The following SPIRE2 variants were observed in gnomAD, a reference collection of about 807,000 sequenced individuals.
SPIRE2 encodes spire type actin nucleation factor 2.
A neutral mutation model predicts 80.7 loss-of-function variants in SPIRE2; 76 were observed. That is an observed-to-expected ratio of 0.94 (90% confidence interval 0.78 to 1.14). SPIRE2 has a LOEUF of 1.14. SPIRE2 is among the 50% of genes most tolerant of loss of function. SPIRE2 has a pLI of 0.00. For missense variants in SPIRE2, 1,196 were observed against 1,015.3 expected (o/e 1.18, Z -2.42); for synonymous variants, 535 against 432.6 (o/e 1.24, Z -2.94).
intron 1 of SPIRE2, among the ~76,000 whole-genome samples, chr16:89,839,714 TC>T (rs1295159630): frequency 6.6e-6 from 1 of 152,156 alleles, no homozygotes; most frequent in African/African-American, 2.4e-5. Flanking sequence ...TATGGCCTCA[TC>T]AAGATGTGTG....
chr16:89,869,053 A>AATATATATATATATAT (rs1555601129), intron 13 of SPIRE2, among the ~76,000 whole-genome samples: 1 of 24,028 alleles, frequency 4.2e-5, no homozygotes, highest in African/African-American at 1.6e-4. Context: ...AAAAAAAAAA[A>AATATATATATATATAT]ATATATATAT....
At position 89,854,755 on chromosome 16, in the gene SPIRE2, C is replaced by T. The variant is rs921675398; in HGVS notation, c.891+104C>T. On this transcript the variant is annotated intron_variant, in intron 5 of 14. Transcript: ENST00000378247. The stretch of plus-strand genomic sequence containing the variant: ...ATGTTGGGCAGCCCACCCCAGAGAG[C>T]GGCCCAGGGTCCCTGCTCTCTGTGC... The T allele has an allele frequency of 2.0e-5, 25 of 1,267,356 alleles. No homozygotes were observed. In the East Asian group the frequency reaches 2.1e-4, roughly 11 times the overall value. 78.5% of individuals were successfully genotyped at this position (1,267,356 alleles called of 1,614,324 possible).
chr16:89,836,596 T>G (rs1301713195), intron 1 of SPIRE2, among the ~76,000 whole-genome samples: 1 of 152,050 alleles, frequency 6.6e-6, no homozygotes, highest in African/African-American at 2.4e-5. Flanking sequence ...GAAATTTACA[T>G]ACAGTGAAAT....
chr16:89,864,566 A>G (rs1367001400), intron 12 of SPIRE2, among the ~76,000 whole-genome samples: 2 of 152,162 alleles, frequency 1.3e-5, no homozygotes, highest in African/African-American at 4.8e-5. Flanking sequence ...CCTTGTTCTA[A>G]AGATCTGAAG....
intron 1 of SPIRE2, among the ~76,000 whole-genome samples, chr16:89,835,037 G>C (rs1031356229): frequency 2.3e-4 from 28 of 121,084 alleles, no homozygotes; most frequent in South Asian, 5.5e-4. Context: ...TCGTAGAAGC[G>C]TGGATAAGCA....
chr16:89,829,039 C>G (rs757017586), intron 1 of SPIRE2, among the ~76,000 whole-genome samples: 15 of 152,352 alleles, frequency 9.8e-5, no homozygotes, highest in Non-Finnish European at 1.5e-4. Context: ...CGGACCCCCC[C>G]ACCTGACGCC....
intron 3 of SPIRE2, among the ~76,000 whole-genome samples, chr16:89,853,594 C>T (rs930206032): frequency 2.0e-5 from 3 of 151,994 alleles, no homozygotes; most frequent in African/African-American, 7.2e-5. Context: ...GTGGCGGGTA[C>T]CTGGGGCCGA....
At chr16:89,867,345 AT>A (rs1262595817) in intron 12 of SPIRE2, among the ~76,000 whole-genome samples, 1 of 151,866 alleles carries the variant, frequency 6.6e-6, no homozygotes, top group Non-Finnish European at 1.5e-5. Flanking sequence ...GGGTTTCACC[AT>A]CTTGGCCAGG....
chr16:89,831,878 C>G (rs982714136), intron 1 of SPIRE2, among the ~76,000 whole-genome samples: 1 of 144,340 alleles, frequency 6.9e-6, no homozygotes, highest in Non-Finnish European at 1.6e-5. Context: ...TTCGCAGCCC[C>G]GCGCACTCCC....
intron 9 of SPIRE2, among the ~76,000 whole-genome samples, chr16:89,859,849 C>T (rs906404174): frequency 6.6e-6 from 1 of 152,130 alleles, no homozygotes; most frequent in Non-Finnish European, 1.5e-5. Context: ...GGAGAGCCCT[C>T]GCGACTCAGG....
chr16:89,846,261 C>T (rs2041558569), intron 2 of SPIRE2: 1 of 151,642 alleles, frequency 6.6e-6, no homozygotes, highest in Non-Finnish European at 1.5e-5. Flanking sequence ...CTCCTGGGCT[C>T]AAGCCATCCT....
chr16:89,839,144 A>C lies in SPIRE2; in HGVS notation c.245-6178A>C, dbSNP rs1250875421. On this transcript the variant is annotated intron_variant, in intron 1 of 14. Transcript: ENST00000378247. ...ATCACGAGGTCAGGAGATCGAGACCATCCTGGCTAACATGGTGAAACCCCA... is the reference window on the plus strand; with the variant it reads ...ATCACGAGGTCAGGAGATCGAGACCCTCCTGGCTAACATGGTGAAACCCCA... 3.9e-5 allele frequency among the ~76,000 whole-genome samples: 6 copies of C among 152,198 alleles called. No homozygotes were observed. In the South Asian group the frequency reaches 1.2e-3, roughly 32 times the overall value.
Position 89,850,366 on chromosome 16 carries a change from G to C in SPIRE2, c.351G>C (p.Glu117Asp), listed in dbSNP as rs145621381. The C allele has an allele frequency of 3.7e-5, 59 of 1,599,786 alleles. No individual in the cohort carries two copies. In the African/African-American group the frequency reaches 7.0e-4, roughly 19 times the overall value. ...RALDWGLDES[E>D]ERELSPQLER... The stretch of plus-strand genomic sequence containing the variant: ...TGGACTGGGGGCTGGACGAGAGCGA[G>C]GAGCGCGAACTCAGCCCTCAGCTGG... The change falls in exon 3 of 15, where the codon GAG becomes GAC. Residue 117 changes from glutamate to aspartate, a missense_variant. Glu to Asp is a conservative substitution (Grantham distance 45). Transcript: ENST00000378247.
rs1335685141 is a variant in SPIRE2 at position 89,868,915 on chromosome 16, C to CTGT, written c.1807-650_1807-649insTTG. ...GCGCGGTGGCTCATGCCTGCAGTTC[C>CTGT]TGCACTTTGGGAGGCTGAGGTGGGA... is the stretch of plus-strand genomic sequence containing the variant. On this transcript the variant is annotated intron_variant, in intron 13 of 14. Coordinates refer to ENST00000378247, the MANE Select transcript of SPIRE2 (RefSeq NM_032451.2). Among the ~76,000 whole-genome samples the CTGT allele has an allele frequency of 3.3e-5, 5 of 149,782 alleles. No homozygotes were observed. In the East Asian group the frequency reaches 9.9e-4, roughly 30 times the overall value.
intron 12 of SPIRE2, among the ~76,000 whole-genome samples, chr16:89,867,434 C>T (rs962809560): frequency 5.9e-5 from 9 of 151,882 alleles, no homozygotes; most frequent in Middle Eastern, 3.2e-3. Flanking sequence ...TGAGGCATCG[C>T]GCCTGGCCGA....
In SPIRE2 at chr16:89,850,305, C is replaced by G. The variant is rs2041610089; in HGVS notation, c.290C>G (p.Thr97Ser). ...VVPLASSEAQ[T>S]VQSLGFAIYR... ...AGTGACCGCGCCCCTGTCCCGCAGACCGTGCAGTCCCTCGGCTTCGCCATC... is the reference window on the plus strand; with the variant it reads ...AGTGACCGCGCCCCTGTCCCGCAGAGCGTGCAGTCCCTCGGCTTCGCCATC... The change falls in exon 3 of 15, where the codon ACC (threonine) becomes AGC (serine). Residue 97 changes from threonine to serine, a missense_variant and splice_region_variant. Coordinates refer to ENST00000378247, the MANE Select transcript of SPIRE2 (RefSeq NM_032451.2). 1 of 1,602,628 alleles carries G rather than the reference C, an allele frequency of 6.2e-7. No homozygotes were observed. The highest frequency in any genetic ancestry group is 1.3e-5 in the African/African-American group (1 of 74,894).
At chr16:89,838,665 C>T (rs1383760959) in intron 1 of SPIRE2, among the ~76,000 whole-genome samples, 2 of 152,232 alleles carry the variant, frequency 1.3e-5, no homozygotes, top group Non-Finnish European at 2.9e-5. Context: ...GGCTTACTCA[C>T]TCTCACACCT....
chr16:89,844,156 A>T (rs1423010187), intron 1 of SPIRE2, among the ~76,000 whole-genome samples: 1 of 148,628 alleles, frequency 6.7e-6, no homozygotes, highest in Non-Finnish European at 1.5e-5. Flanking sequence ...TAATTTTTTT[A>T]TTTTTATTTT....
chr16:89,863,396 G>A lies in SPIRE2; in HGVS notation c.1576-80G>A, dbSNP rs749015692. ...GGCTTGTTTAGGCTGAGGCCAGGGA[G>A]GGTTAGGGTCCTCAGGGAAGGAGAG... On this transcript the variant is annotated intron_variant, in intron 10 of 14. Transcript: ENST00000378247. This position sits in a 1 kb window ranked among gnomAD's most constrained non-coding sequence, Gnocchi z 4.3. 2 of 1,534,198 alleles carry A rather than the reference G, an allele frequency of 1.3e-6. No individual in the cohort carries two copies. The highest frequency in any genetic ancestry group is 2.3e-5 in the South Asian group (2 of 87,270).
Sources: allele counts gnomAD v4.1 joint callset (sites outside exome capture counted in the v4.1 genomes callset), GRCh38; gene constraint gnomAD v4.1.1; non-coding constraint Gnocchi (gnomAD v3.1); transcripts MANE v1.5; gene names NCBI Gene and HGNC (gene_info 2026-07-23, HGNC 2026-07-21).